Variants in TMEM40 observed in about 807,000 individuals in gnomAD.
The protein encoded by TMEM40 is transmembrane protein 40.
In TMEM40, 34 loss-of-function variants were observed where a neutral mutation model predicts 40.8. That is an observed-to-expected ratio of 0.83 (90% confidence interval 0.63 to 1.11). The LOEUF (loss-of-function observed/expected upper bound fraction) is 1.11, where lower values mean the gene tolerates loss of function less well. TMEM40 is among the 50% of genes least tolerant of loss of function. TMEM40 has a pLI of 0.00. For synonymous variants in TMEM40, 106 were observed against 107.0 expected, an observed-to-expected ratio of 0.99 and a Z score of 0.06; for missense variants, 296 against 280.2, an observed-to-expected ratio of 1.06 and a Z score of -0.40.
At chr3:12,767,380 C>T (rs1006172527) in intron 1 of TMEM40, among the ~76,000 whole-genome samples, 3 of 152,114 alleles carry the variant, frequency 2.0e-5, no homozygotes, top group African/African-American at 7.2e-5. Flanking sequence ...ATGGTGAGGG[C>T]GGGAGATGTC....
intron 5 of TMEM40, among the ~76,000 whole-genome samples, chr3:12,739,762 TC>T (rs1331075720): frequency 6.6e-6 from 1 of 152,014 alleles, no homozygotes; most frequent in African/African-American, 2.4e-5. Flanking sequence ...TCAGAAATAT[TC>T]AAATGTGAAA....
chr3:12,754,404 T>G (rs1455105835), intron 1 of TMEM40, among the ~76,000 whole-genome samples: 2 of 152,108 alleles, frequency 1.3e-5, no homozygotes, highest in African/African-American at 2.4e-5. Flanking sequence ...TACAGAAAGA[T>G]CTAAGATTTT....
At chr3:12,738,814 G>A in intron 5 of TMEM40, 1 of 512,202 alleles carries the variant, frequency 2.0e-6, no homozygotes, top group Non-Finnish European at 3.5e-6. Context: ...TTACAGGTCT[G>A]TCAATTTCCC....
rs1310290440 is a variant in TMEM40 at position 12,735,562 on chromosome 3, C to T, written c.675G>A (p.Arg225=). Reference sequence around the variant, plus strand: ...GAAGACTTTAAAAGTTACCTGTCAGCCTAAACTTCTGGAAGAGGGGGATGA... The same window carrying T: ...GAAGACTTTAAAAGTTACCTGTCAGTCTAAACTTCTGGAAGAGGGGGATGA... ...QGFIPLFQKF[R]LTGFRKTD Residue 225 remains arginine (R), a synonymous_variant, in exon 11 of 12, where the codon AGG becomes AGA. Coordinates refer to ENST00000314124, the MANE Select transcript of TMEM40 (RefSeq NM_018306.4). The T allele has an allele frequency of 6.2e-7, 1 of 1,613,570 alleles. No homozygotes were observed. Among genetic ancestry groups the T allele is most frequent in the Non-Finnish European group, 8.5e-7 (1 of 1,179,864 alleles).
chr3:12,737,525 CT>C, intron 8 of TMEM40, 181 bp downstream of exon 8: 1 of 634,016 alleles, frequency 1.6e-6, no homozygotes, highest in South Asian at 1.9e-5. Context: ...GTTTTCATAT[CT>C]GCAAAATGGG....
intron 1 of TMEM40, among the ~76,000 whole-genome samples, chr3:12,755,878 G>A (rs1026324532): frequency 6.6e-6 from 1 of 152,216 alleles, no homozygotes; most frequent in Non-Finnish European, 1.5e-5. Context: ...AAATGAAACA[G>A]CTTTCACTGA....
At chr3:12,760,679 A>G (rs1488026390), upstream of TMEM40, among the ~76,000 whole-genome samples, 2 of 150,838 alleles carry the variant, frequency 1.3e-5, no homozygotes. Flanking sequence ...TGTTATGTCT[A>G]TTTTCTCATT....
upstream of TMEM40, among the ~76,000 whole-genome samples, chr3:12,761,646 G>T (rs560515677): frequency 5.5e-4 from 84 of 152,126 alleles, no homozygotes; most frequent in African/African-American, 2.0e-3. Context: ...TAAGGATTTG[G>T]CTGCTGCATT....
At chr3:12,761,147 C>T (rs191055946), upstream of TMEM40, among the ~76,000 whole-genome samples, 19 of 152,272 alleles carry the variant, frequency 1.2e-4, no homozygotes, top group East Asian at 2.9e-3. Context: ...GTGAGGAGCA[C>T]TATTGTGTGG....
At chr3:12,769,221 C>T (rs1394276150) in intron 1 of TMEM40, 2 of 392,018 alleles carry the variant, frequency 5.1e-6, no homozygotes, top group Admixed American at 2.7e-5. Flanking sequence ...CGTGCAGCCC[C>T]GGTTCCCGCC....
intron 1 of TMEM40, among the ~76,000 whole-genome samples, chr3:12,751,586 T>C (rs2061477025): frequency 6.6e-6 from 1 of 151,968 alleles, no homozygotes; most frequent in African/African-American, 2.4e-5. Context: ...CCTACCCTTT[T>C]CTAGAATAAA....
chr3:12,742,311 T>C, intron 5 of TMEM40, 143 bp downstream of exon 5: 1 of 874,464 alleles, frequency 1.1e-6, no homozygotes, highest in Non-Finnish European at 1.8e-6. Flanking sequence ...GCCAATGTTA[T>C]AACCACCCAA....
chr3:12,758,719 A>G (rs935526507), intron 1 of TMEM40, among the ~76,000 whole-genome samples: 1 of 152,216 alleles, frequency 6.6e-6, no homozygotes, highest in Non-Finnish European at 1.5e-5. Context: ...GGAAGGGCAG[A>G]GAGAGGGGCA....
intron 1 of TMEM40, among the ~76,000 whole-genome samples, chr3:12,752,062 A>G (rs958810478): frequency 1.3e-5 from 2 of 150,948 alleles, no homozygotes; most frequent in Admixed American, 6.6e-5. Flanking sequence ...TCTATTCCCC[A>G]CTCCCCTAAA....
chr3:12,762,891 C>T (rs147858473), upstream of TMEM40, among the ~76,000 whole-genome samples: 3 of 152,076 alleles, frequency 2.0e-5, no homozygotes, highest in Admixed American at 6.6e-5. Flanking sequence ...CAGCTGGGCG[C>T]GGTGGCTCGC....
chr3:12,738,733 C>G, intron 5 of TMEM40, 145 bp from the exon 6 acceptor site: 1 of 774,540 alleles, frequency 1.3e-6, no homozygotes, highest in Non-Finnish European at 2.1e-6. Context: ...CTGGAGGGTT[C>G]CTGTTCCAAC....
chr3:12,740,887 C>T (rs939388197), intron 5 of TMEM40, among the ~76,000 whole-genome samples: 1 of 151,738 alleles, frequency 6.6e-6, no homozygotes, highest in Non-Finnish European at 1.5e-5. Flanking sequence ...AAACAAACCT[C>T]CCCCTCCCCT....
At chr3:12,749,313 C>T (rs2061455012) in intron 2 of TMEM40, among the ~76,000 whole-genome samples, 1 of 152,170 alleles carries the variant, frequency 6.6e-6, no homozygotes, top group Non-Finnish European at 1.5e-5. Flanking sequence ...CGTGAGCCGC[C>T]GCGCCCGGCC....
At chr3:12,760,071 T>G (rs1381113035), upstream of TMEM40, among the ~76,000 whole-genome samples, 2 of 152,122 alleles carry the variant, frequency 1.3e-5, no homozygotes, top group African/African-American at 4.8e-5. Context: ...ACACTTTGCT[T>G]TCTCACACTC....
Sources: gnomAD v4.1 joint callset for allele counts (sites outside exome capture counted in the v4.1 genomes callset) on GRCh38, gnomAD v4.1.1 for gene constraint, MANE v1.5 for transcripts, NCBI Gene and HGNC (gene_info 2026-07-23, HGNC 2026-07-21) for gene names.